The following FNIP2 variants were observed in gnomAD, a reference collection of about 807,000 sequenced individuals.
The protein encoded by FNIP2 is folliculin-interacting protein 2.
FNIP2 carries 32 observed loss-of-function variants against 108.7 expected under a neutral mutation model. The ratio of observed to expected loss-of-function variants is 0.29; its 90% confidence interval spans 0.22 to 0.40. FNIP2 has a LOEUF of 0.40. FNIP2 is among the 10% of genes least tolerant of loss of function. The pLI is 1.00. For synonymous variants in FNIP2, 480 were observed against 496.7 expected (o/e 0.97, Z 0.45); for missense variants, 1,202 against 1,381.6 (o/e 0.87, Z 2.06).
rs769138688 is a variant in FNIP2, at chr4:158,868,862, G to A, written c.2226G>A (p.Val742=). 3.1e-6 allele frequency: 5 copies of A among 1,613,992 alleles called. No individual in the cohort carries two copies. The East Asian group carries it at 1.1e-4, about 36-fold the overall frequency. ...GCATGAAAAAAATGGAGGAACGGGT[G>A]AAGGCCTGTGGCCCCTCCTTGGAGG... ...ESRMKKMEER[V]KACGPSLEAS... The change falls in exon 13 of 17, where the codon GTG becomes GTA. Residue 742 remains valine, a synonymous_variant. Transcript: ENST00000264433. The surrounding 1 kb of genome is among the most constrained non-coding windows in gnomAD (Gnocchi z 4.6).
At position 158,861,737 on chromosome 4, in the gene FNIP2, G is replaced by T. The variant is rs62001915; in HGVS notation, c.1426G>T (p.Ala476Ser). Reference sequence around the variant, plus strand: ...TACCTCCCAGTCAGTGAACATGCTGGCCAAAACACATCCGTATAATCCTCT... The same window carrying T: ...TACCTCCCAGTCAGTGAACATGCTGTCCAAAACACATCCGTATAATCCTCT... ...KRTSQSVNMLAKTHPYNPLWA... is the reference protein window; with the variant it reads ...KRTSQSVNMLSKTHPYNPLWA... The change falls in exon 12 of 17, where the codon GCC becomes TCC. Residue 476 changes from alanine to serine, a missense_variant. Ala to Ser is a moderately conservative substitution (Grantham distance 99). Transcript: ENST00000264433. 30,829 of 1,613,958 alleles carry T rather than the reference G, an allele frequency of 0.019. 345 individuals are homozygous for T. Among genetic ancestry groups the T allele is most frequent in the Middle Eastern group, 0.036 (216 of 6,062 alleles).
chr4:158,871,176 T>G (rs1054672113), intron 14 of FNIP2, among the ~76,000 whole-genome samples: 7 of 152,222 alleles, frequency 4.6e-5, no homozygotes, highest in Non-Finnish European at 8.8e-5. Context: ...AAAAATTGCC[T>G]CGTGGCTGCT....
At chr4:158,882,353 G>C (rs935086689) in intron 14 of FNIP2, among the ~76,000 whole-genome samples, 2 of 151,294 alleles carry the variant, frequency 1.3e-5, no homozygotes, top group African/African-American at 4.9e-5. Context: ...CCCCCGTCCG[G>C]CCAGCCGCCC....
At position 158,851,251 on chromosome 4, in the gene FNIP2, ATGT is replaced by A. The variant is rs1316287002; in HGVS notation, c.728-66_728-64del. ...TTCAGTGATATTAAATACATTCTTA[ATGT>A]TGTGCATTATGTAGCTACATGAGGA... On this transcript the variant is annotated intron_variant, in intron 7 of 16. Transcript: ENST00000264433. The A allele has an allele frequency of 2.6e-6, 4 of 1,529,524 alleles. No homozygotes were observed. The African/African-American group carries it at 4.1e-5, about 16-fold the overall frequency. The allele number at this position is 1,529,524 out of a possible 1,614,324, so 94.7% of individuals were successfully genotyped here.
intron 16 of FNIP2, among the ~76,000 whole-genome samples, chr4:158,900,213 T>C (rs1268951594): frequency 2.0e-5 from 3 of 152,248 alleles, no homozygotes; most frequent in Non-Finnish European, 4.4e-5. Context: ...TGAGAGACTG[T>C]TATGATTTCC....
chr4:158,791,834 C>T (rs1246250986), intron 1 of FNIP2, among the ~76,000 whole-genome samples: 1 of 152,104 alleles, frequency 6.6e-6, no homozygotes, highest in African/African-American at 2.4e-5. Context: ...CGAGTGCAAG[C>T]ATGACACATA....
intron 16 of FNIP2, among the ~76,000 whole-genome samples, chr4:158,901,337 G>A (rs1313520865): frequency 6.6e-6 from 1 of 152,050 alleles, no homozygotes; most frequent in African/African-American, 2.4e-5. Flanking sequence ...CTTCTGGCTT[G>A]TAGGGTTTCT....
intron 1 of FNIP2, chr4:158,808,642 C>G (rs10857319): frequency 2.0e-5 from 3 of 151,942 alleles, no homozygotes; most frequent in African/African-American, 7.2e-5. Context: ...TATTGACAGG[C>G]GCTTGCACTG....
At chr4:158,816,558 G>A (rs539898137) in intron 1 of FNIP2, among the ~76,000 whole-genome samples, 215 of 152,226 alleles carry the variant, frequency 1.4e-3, no homozygotes, top group Non-Finnish European at 2.5e-3. Flanking sequence ...CAAAGCAGGC[G>A]GATCAGTTGA....
rs954099538 is a variant in FNIP2 at position 158,833,415 on chromosome 4, T to C, written c.555-113T>C. The C allele has an allele frequency of 1.1e-5, 7 of 638,486 alleles. No homozygotes were observed. The East Asian group carries it at 1.3e-4, about 12-fold the overall frequency. The allele number at this position is 638,486 out of a possible 1,614,324, so 39.6% of individuals were successfully genotyped here. Reference sequence around the variant, plus strand: ...GAGACTTTGTTTATAAAGAAAAGTATTGAGTGACTGATCAGTCGTTGTCTA... The same window carrying C: ...GAGACTTTGTTTATAAAGAAAAGTACTGAGTGACTGATCAGTCGTTGTCTA... On this transcript the variant is annotated intron_variant, in intron 5 of 16. Transcript: ENST00000264433.
chr4:158,893,681 T>TA, intron 15 of FNIP2: 2 of 1,585,646 alleles, frequency 1.3e-6, no homozygotes, highest in Non-Finnish European at 1.7e-6. Context: ...TAAAAGCAGG[T>TA]TGAGTTATGC....
At chr4:158,880,447 G>T (rs1290360296) in intron 14 of FNIP2, among the ~76,000 whole-genome samples, 4 of 152,096 alleles carry the variant, frequency 2.6e-5, no homozygotes, top group African/African-American at 7.2e-5. Context: ...GTGGTGGAGT[G>T]GGGGGAGTGG....
intron 8 of FNIP2, 99 bp downstream of exon 8, chr4:158,851,549 A>C: frequency 1.4e-6 from 2 of 1,465,088 alleles, no homozygotes; most frequent in East Asian, 2.3e-5. Flanking sequence ...GTGGAAAAAA[A>C]ACCAAAACTT....
intron 7 of FNIP2, 123 bp from the exon 8 acceptor site, chr4:158,851,197 GT>G: frequency 8.7e-7 from 1 of 1,143,804 alleles, no homozygotes; most frequent in Non-Finnish European, 1.2e-6. Flanking sequence ...GTACAGTTTA[GT>G]GATATTAAAT....
At chr4:158,883,493 A>G (rs1450396803) in intron 14 of FNIP2, among the ~76,000 whole-genome samples, 7 of 152,284 alleles carry the variant, frequency 4.6e-5, no homozygotes, top group East Asian at 3.9e-4. Flanking sequence ...CGCCCACCTC[A>G]GCCTCCCAAA....
At chr4:158,769,427 T>G (rs1347254151) in intron 1 of FNIP2, 108 bp downstream of exon 1, 1 of 653,062 alleles carries the variant, frequency 1.5e-6, no homozygotes, top group Non-Finnish European at 2.2e-6. Context: ...AGGACGGCGC[T>G]GCCTATCGCC....
At chr4:158,828,908 T>G (rs1449898041) in intron 2 of FNIP2, among the ~76,000 whole-genome samples, 171 bp from the exon 3 acceptor site, 1 of 152,224 alleles carries the variant, frequency 6.6e-6, no homozygotes, top group Non-Finnish European at 1.5e-5. Flanking sequence ...TTCTTCAGCA[T>G]TCTGCCATCC....
At chr4:158,895,270 G>A (rs1218662541) in intron 15 of FNIP2, among the ~76,000 whole-genome samples, 1 of 152,144 alleles carries the variant, frequency 6.6e-6, no homozygotes, top group Non-Finnish European at 1.5e-5. Context: ...GAAATGTACT[G>A]GGCCAGAATA....
At chr4:158,797,725 C>A (rs994455031) in intron 1 of FNIP2, among the ~76,000 whole-genome samples, 2 of 152,060 alleles carry the variant, frequency 1.3e-5, no homozygotes, top group Admixed American at 1.3e-4. Flanking sequence ...AAACAAAAAA[C>A]CCCAAATCCA....
Sources: allele counts gnomAD v4.1 joint callset (sites outside exome capture counted in the v4.1 genomes callset), GRCh38; gene constraint gnomAD v4.1.1; non-coding constraint Gnocchi (gnomAD v3.1); transcripts MANE v1.5; gene names NCBI Gene and HGNC (gene_info 2026-07-23, HGNC 2026-07-21).